ARHGAP15: variants seen among roughly 807,000 people sequenced by gnomAD.
ARHGAP15 encodes the protein Rho GTPase activating protein 15.
In ARHGAP15, 51 loss-of-function variants were observed where a neutral mutation model predicts 63.7. The observed-to-expected ratio is 0.80, with a 90% CI of 0.64 to 1.01. The LOEUF is 1.01. ARHGAP15 is among the 50% of genes least tolerant of loss of function. ARHGAP15 has a pLI of 0.00. For synonymous variants in ARHGAP15, 191 were observed against 193.8 expected (o/e 0.99, Z 0.12); for missense variants, 560 against 564.6 (o/e 0.99, Z 0.08).
At chr2:143,195,218 CAA>C (rs369012112) in intron 2 of ARHGAP15, among the ~76,000 whole-genome samples, 1 of 145,500 alleles carries the variant, frequency 6.9e-6, no homozygotes, top group Admixed American at 6.9e-5. Context: ...GCCCCCCTCC[CAA>C]AAAAAAAAGA....
intron 6 of ARHGAP15, among the ~76,000 whole-genome samples, chr2:143,432,940 C>T (rs536472370): frequency 1.4e-4 from 22 of 152,078 alleles, no homozygotes; most frequent in African/African-American, 4.8e-4. Context: ...ATCCCCTTAC[C>T]CCAGCATCTG....
At chr2:143,221,137 A>G (rs1692980685) in intron 4 of ARHGAP15, among the ~76,000 whole-genome samples, 1 of 152,142 alleles carries the variant, frequency 6.6e-6, no homozygotes, top group Admixed American at 6.6e-5. Flanking sequence ...TTGTCACTTA[A>G]TAAGTATTAT....
chr2:143,285,594 C>T (rs939666436), intron 6 of ARHGAP15, among the ~76,000 whole-genome samples: 5 of 152,064 alleles, frequency 3.3e-5, no homozygotes, highest in Admixed American at 2.6e-4. Flanking sequence ...TTGATCTGCA[C>T]GCATTCATTT....
At chr2:143,525,519 A>G (rs1284816185) in intron 10 of ARHGAP15, among the ~76,000 whole-genome samples, 1 of 151,898 alleles carries the variant, frequency 6.6e-6, no homozygotes, top group African/African-American at 2.4e-5. Flanking sequence ...GCATGCATTT[A>G]CAATGGAGGT....
chr2:143,494,377 C>T (rs1204171639), intron 9 of ARHGAP15, among the ~76,000 whole-genome samples: 1 of 152,096 alleles, frequency 6.6e-6, no homozygotes, highest in Non-Finnish European at 1.5e-5. Flanking sequence ...TCTCATTTCT[C>T]ACATACCATG....
chr2:143,397,320 G>A (rs868546745), intron 6 of ARHGAP15, among the ~76,000 whole-genome samples: 2,600 of 141,278 alleles, frequency 0.018, 38 homozygotes, highest in African/African-American at 0.045. Context: ...ATATGTATGT[G>A]TGTGTGTGTG....
intron 12 of ARHGAP15, among the ~76,000 whole-genome samples, chr2:143,690,183 A>G (rs999514919): frequency 6.6e-6 from 1 of 152,198 alleles, no homozygotes; most frequent in Non-Finnish European, 1.5e-5. Flanking sequence ...GCACTTTCCA[A>G]TTAAGACCAA....
At chr2:143,479,675 C>T (rs146919990) in intron 8 of ARHGAP15, among the ~76,000 whole-genome samples, 1 of 151,894 alleles carries the variant, frequency 6.6e-6, no homozygotes, top group Non-Finnish European at 1.5e-5. Flanking sequence ...TCATAAGAAG[C>T]CCAGTTAAAA....
rs759786927 is a variant in ARHGAP15 at position 143,556,463 on chromosome 2, G to A, written c.981G>A (p.Lys327=). The A allele has an allele frequency of 6.2e-7, 1 of 1,611,836 alleles. No homozygotes were observed. The highest frequency in any genetic ancestry group is 1.7e-5 in the Admixed American group (1 of 59,834). The change falls in exon 11 of 14, where the codon AAG becomes AAA. Residue 327 remains lysine, a synonymous_variant. Transcript: ENST00000295095. Reference sequence around the variant, plus strand: ...GTGGCAATCTGGCAACAATACAGAAGTTAAGATTTATTGTCAACCAAGGTA... The same window carrying A: ...GTGGCAATCTGGCAACAATACAGAAATTAAGATTTATTGTCAACCAAGGTA... ...RVSGNLATIQ[K]LRFIVNQEEK... is the part of the protein sequence containing the mutation.
chr2:143,405,387 T>A (rs1458801297), intron 6 of ARHGAP15, among the ~76,000 whole-genome samples: 1 of 151,950 alleles, frequency 6.6e-6, no homozygotes. Context: ...GAGAATTCAT[T>A]ATTCTTACGG....
intron 12 of ARHGAP15, among the ~76,000 whole-genome samples, chr2:143,653,469 A>C (rs1248137240): frequency 6.6e-6 from 1 of 152,120 alleles, no homozygotes; most frequent in Non-Finnish European, 1.5e-5. Context: ...GAACATTCCT[A>C]ATTTCAAGGA....
chr2:143,309,028 G>T lies in ARHGAP15; in HGVS notation c.474+58428G>T, dbSNP rs78787768. 8.2e-3 allele frequency among the ~76,000 whole-genome samples: 1,205 copies of T among 147,690 alleles called. 10 individuals are homozygous for T. The highest frequency in any genetic ancestry group is 0.036 in the Middle Eastern group (10 of 278). ...TATTCTGATAATATTATCTCATATT[G>T]TTCTTTGTGTGTTAGTGCATTGCTA... On this transcript the variant is annotated intron_variant, in intron 6 of 13. Transcript: ENST00000295095.
At chr2:143,654,489 A>G (rs996496550) in intron 12 of ARHGAP15, among the ~76,000 whole-genome samples, 2 of 152,212 alleles carry the variant, frequency 1.3e-5, no homozygotes, top group Non-Finnish European at 1.5e-5. Flanking sequence ...AATTTTGCAA[A>G]AAGTGAAAAA....
At chr2:143,582,421 G>A (rs1696946041) in intron 11 of ARHGAP15, among the ~76,000 whole-genome samples, 1 of 152,118 alleles carries the variant, frequency 6.6e-6, no homozygotes, top group African/African-American at 2.4e-5. Context: ...CAGACTCTGT[G>A]CTTTTGATTA....
At chr2:143,299,372 G>A (rs968154808) in intron 6 of ARHGAP15, among the ~76,000 whole-genome samples, 1 of 151,776 alleles carries the variant, frequency 6.6e-6, no homozygotes, top group Non-Finnish European at 1.5e-5. Context: ...CCAACATTTT[G>A]GATGGAAATC....
At chr2:143,278,480 G>A (rs1681678579) in intron 6 of ARHGAP15, among the ~76,000 whole-genome samples, 1 of 152,122 alleles carries the variant, frequency 6.6e-6, no homozygotes, top group Non-Finnish European at 1.5e-5. Context: ...AGAAGAAAAT[G>A]GCTTTTGAGT....
intron 6 of ARHGAP15, among the ~76,000 whole-genome samples, chr2:143,267,019 T>G (rs1303932209): frequency 1.3e-5 from 2 of 152,170 alleles, no homozygotes; most frequent in Non-Finnish European, 2.9e-5. Context: ...TTTAAAGCTC[T>G]TACCTGAAAG....
intron 6 of ARHGAP15, among the ~76,000 whole-genome samples, chr2:143,434,639 C>G (rs1689529432): frequency 6.6e-6 from 1 of 152,090 alleles, no homozygotes; most frequent in Non-Finnish European, 1.5e-5. Flanking sequence ...AATGTCAGTC[C>G]TCTAAACCCC....
intron 2 of ARHGAP15, among the ~76,000 whole-genome samples, chr2:143,165,997 A>AAGGAAGGAAG (rs1558787751): frequency 3.2e-5 from 3 of 93,550 alleles, no homozygotes; most frequent in African/African-American, 1.1e-4. Flanking sequence ...AAAGAAAGAA[A>AAGGAAGGAAG]GAAAGAAGGA....
Sources: allele counts gnomAD v4.1 joint callset (sites outside exome capture counted in the v4.1 genomes callset), GRCh38; gene constraint gnomAD v4.1.1; transcripts MANE v1.5; gene names NCBI Gene and HGNC (gene_info 2026-07-23, HGNC 2026-07-21).